The following WDR4 variants were observed in gnomAD, a reference collection of about 807,000 sequenced individuals.
WDR4 encodes the protein WDR4 tRNA N7-guanosine methyltransferase non-catalytic subunit, also known as tRNA (guanine-N(7)-)-methyltransferase non-catalytic subunit WDR4.
WDR4 carries 47 observed loss-of-function variants against 48.6 expected under a neutral mutation model. The observed-to-expected ratio is 0.97, with a 90% confidence interval of 0.77 to 1.23. The LOEUF is 1.23. Ranked by LOEUF, WDR4 falls within the 50% of genes most tolerant of loss-of-function variation. WDR4 has a pLI of 0.00. For missense variants in WDR4, 606 were observed against 551.6 expected (o/e 1.10, Z -0.99); for synonymous variants, 268 against 230.0 (o/e 1.17, Z -1.49).
chr21:42,873,459 C>G, intron 3 of WDR4, 92 bp downstream of exon 3: 1 of 1,544,526 alleles, frequency 6.5e-7, no homozygotes, highest in Non-Finnish European at 8.8e-7. Context: ...ACTTATCACC[C>G]TTATCACCAT....
chr21:42,846,148 A>C (rs2145978467), downstream of WDR4, among the ~76,000 whole-genome samples: 1 of 152,144 alleles, frequency 6.6e-6, no homozygotes, highest in East Asian at 1.9e-4. Context: ...AAAACAGAAG[A>C]CAGGTGCCAG....
chr21:42,873,291 C>A (rs1383678526), intron 3 of WDR4, among the ~76,000 whole-genome samples: 1 of 152,176 alleles, frequency 6.6e-6, no homozygotes, highest in Admixed American at 6.5e-5. Flanking sequence ...GTCTTCCGAG[C>A]CCACTGATCG....
chr21:42,891,949 T>G, the WDR4 span, among the ~76,000 whole-genome samples: 1 of 148,464 alleles, frequency 6.7e-6, no homozygotes, highest in Admixed American at 6.8e-5. Flanking sequence ...AGAGCAAGAC[T>G]CTGTCTCAAA....
At chr21:42,883,549 A>G (rs2058621698), upstream of WDR4, 1 of 153,670 alleles carries the variant, frequency 6.5e-6, no homozygotes, top group African/African-American at 2.4e-5. Context: ...GGATTGCAAA[A>G]TGAGAGCATC....
At chr21:42,848,450 TCA>T (rs201033353), downstream of WDR4, among the ~76,000 whole-genome samples, 285 of 98,684 alleles carry the variant, frequency 2.9e-3, 5 homozygotes, top group African/African-American at 0.012. Context: ...GGCGCGCACC[TCA>T]CACAGCGCAC....
At chr21:42,856,551 G>A (rs1033483668) in intron 6 of WDR4, among the ~76,000 whole-genome samples, 2 of 151,962 alleles carry the variant, frequency 1.3e-5, no homozygotes, top group African/African-American at 4.8e-5. Context: ...CTACAGGCAT[G>A]AGCCACCATA....
chr21:42,859,614 T>G lies in WDR4; in HGVS notation c.627+48A>C, dbSNP rs754362616. Reference sequence around the variant, plus strand: ...CAGGAGGCGCCCACCCCACCCTCCCTGCAGGCTCAAGAATCCAGAGGTGAG... The same window carrying G: ...CAGGAGGCGCCCACCCCACCCTCCCGGCAGGCTCAAGAATCCAGAGGTGAG... On this transcript the variant is annotated intron_variant, in intron 6 of 10. Transcript: ENST00000398208. The G allele has an allele frequency of 2.0e-4, 42 of 209,574 alleles. 1 individual carries two copies. The highest frequency in any genetic ancestry group is 1.4e-3 in the South Asian group (39 of 28,598). 13.0% of individuals were successfully genotyped at this position (209,574 alleles called of 1,614,324 possible).
the WDR4 span, among the ~76,000 whole-genome samples, chr21:42,884,929 C>A: frequency 6.6e-6 from 1 of 152,100 alleles, no homozygotes; most frequent in African/African-American, 2.4e-5. Context: ...GCACATGCCA[C>A]CACACCCAGC....
At chr21:42,871,211 T>C (rs1283522738) in intron 3 of WDR4, among the ~76,000 whole-genome samples, 1 of 152,186 alleles carries the variant, frequency 6.6e-6, no homozygotes, top group Non-Finnish European at 1.5e-5. Flanking sequence ...AGCCCCTTGA[T>C]CTTGGTTTTC....
chr21:42,861,117 C>A lies in WDR4; in HGVS notation c.566+1165G>T, dbSNP rs1178645296. On this transcript the variant is annotated intron_variant, in intron 5 of 10. Transcript: ENST00000398208. ...ATGAGGTCAGGAGATCAAGACCAGC[C>A]TGGCCAACATAGTGAACCCTCGTCT... 1.3e-5 allele frequency among the ~76,000 whole-genome samples: 2 copies of A among 152,056 alleles called. 1 individual carries two copies.
chr21:42,844,230 C>T (rs998597344), downstream of WDR4, among the ~76,000 whole-genome samples: 1 of 152,068 alleles, frequency 6.6e-6, no homozygotes, highest in Admixed American at 6.6e-5. Flanking sequence ...GGGAAGAGAC[C>T]GAATAGCTAG....
chr21:42,859,578 G>GGGGCCAGCGATCCACA, intron 6 of WDR4, 84 bp downstream of exon 6: 4 of 1,374,694 alleles, frequency 2.9e-6, no homozygotes, highest in Non-Finnish European at 4.0e-6. Context: ...GCGATCCACA[G>GGGGCCAGCGATCCACA]GGGCCAGGTC....
At chr21:42,846,076 G>C (rs2057709345), downstream of WDR4, among the ~76,000 whole-genome samples, 1 of 152,032 alleles carries the variant, frequency 6.6e-6, no homozygotes, top group Non-Finnish European at 1.5e-5. Flanking sequence ...AGCGAGCCAA[G>C]GTCACACCAC....
intron 1 of WDR4, chr21:42,879,074 G>A (rs1569340390): frequency 1.8e-6 from 2 of 1,129,146 alleles, no homozygotes; most frequent in Non-Finnish European, 2.2e-6. Flanking sequence ...GTCGCCCCAC[G>A]TGCTCTACCT....
At chr21:42,850,360 G>A (rs558237481) in intron 10 of WDR4, 118 bp from the exon 11 acceptor site, 37 of 928,788 alleles carry the variant, frequency 4.0e-5, no homozygotes, top group Middle Eastern at 3.4e-4. Flanking sequence ...TCGGTGGACC[G>A]TGGGGGGCGC....
In WDR4 at chr21:42,850,149, T is replaced by A. The variant is rs2057784923; in HGVS notation, c.1139A>T (p.Gln380Leu). Reference sequence around the variant, plus strand: ...CCGCTGCTTCTTCTCTAGCTGCTGCTGCAGTCTCTCCTCTTTCTTCTTCAG... The same window carrying A: ...CCGCTGCTTCTTCTCTAGCTGCTGCAGCAGTCTCTCCTCTTTCTTCTTCAG... ...SYLKKKEERL[Q>L]QQLEKKQRRR... Residue 380 changes from glutamine (Q) to leucine (L), a missense_variant, in exon 11 of 11, where the codon CAG (glutamine) becomes CTG (leucine). Transcript: ENST00000398208. 2 of 1,614,134 alleles carry A rather than the reference T, an allele frequency of 1.2e-6. No individual in the cohort carries two copies. The highest frequency in any genetic ancestry group is 1.7e-6 in the Non-Finnish European group (2 of 1,180,002).
intron 3 of WDR4, among the ~76,000 whole-genome samples, chr21:42,865,425 G>T (rs1220119573): frequency 6.6e-6 from 1 of 152,110 alleles, no homozygotes; most frequent in African/African-American, 2.4e-5. Flanking sequence ...GATGGACTTG[G>T]ACTCACAGGG....
intron 3 of WDR4, among the ~76,000 whole-genome samples, chr21:42,866,146 G>T (rs1271835828): frequency 6.6e-6 from 1 of 152,110 alleles, no homozygotes; most frequent in Non-Finnish European, 1.5e-5. Flanking sequence ...CAAAATCAAT[G>T]TATCACTCGT....
intron 3 of WDR4, among the ~76,000 whole-genome samples, chr21:42,870,514 G>T (rs748843306): frequency 1.3e-5 from 2 of 152,012 alleles, no homozygotes; most frequent in Non-Finnish European, 2.9e-5. Flanking sequence ...CAGGCCAGGC[G>T]CAGTGGCTCA....
Sources: gnomAD v4.1 joint callset for allele counts (sites outside exome capture counted in the v4.1 genomes callset) on GRCh38, gnomAD v4.1.1 for gene constraint, MANE v1.5 for transcripts, NCBI Gene and HGNC (gene_info 2026-07-23, HGNC 2026-07-21) for gene names.